RBFOX3: variants seen among roughly 807,000 people sequenced by gnomAD.
The protein encoded by RBFOX3 is RNA binding protein fox-1 homolog 3.
RBFOX3 carries 17 observed loss-of-function variants against 48.7 expected under a neutral mutation model. The observed-to-expected ratio is 0.35, with a 90% confidence interval of 0.24 to 0.52. RBFOX3 has a LOEUF of 0.52. Among genes scored for constraint, RBFOX3 ranks in the 20% least tolerant of loss-of-function variants. The pLI is 0.94. For synonymous variants in RBFOX3, 212 were observed against 209.5 expected (o/e 1.01, Z -0.10); for missense variants, 382 against 497.5 (o/e 0.77, Z 2.21).
At chr17:79,151,520 A>AGGG (rs1568234859) in intron 4 of RBFOX3, among the ~76,000 whole-genome samples, 1 of 578 alleles carries the variant, frequency 1.7e-3, no homozygotes, top group Non-Finnish European at 2.8e-3. Flanking sequence ...AGGGGAGGCG[A>AGGG]TGGGAGGGGA....
chr17:79,329,173 T>C (rs2079818261), intron 2 of RBFOX3, among the ~76,000 whole-genome samples: 1 of 152,154 alleles, frequency 6.6e-6, no homozygotes, highest in South Asian at 2.1e-4. Flanking sequence ...GAGCTTCCCA[T>C]GGTGCTCCTC....
At position 79,424,453 on chromosome 17, in the gene RBFOX3, A is replaced by T. The variant is rs575702432; in HGVS notation, c.-175+58001T>A. ...CCTAAGGTCCCTCCGCTCCCCCCGC[A>T]ACTGAGCTCTCGACTCTCAGCAGCC... On this transcript the variant is annotated intron_variant, in intron 2 of 14. Transcript: ENST00000693108. 1.6e-4 allele frequency among the ~76,000 whole-genome samples: 25 copies of T among 152,238 alleles called. No homozygotes were observed. In the East Asian group the frequency reaches 4.5e-3, roughly 27 times the overall value.
At chr17:79,462,405 T>C (rs2075489635) in intron 2 of RBFOX3, among the ~76,000 whole-genome samples, 2 of 152,214 alleles carry the variant, frequency 1.3e-5, no homozygotes, top group South Asian at 2.1e-4. Flanking sequence ...GAGCATTACA[T>C]GGATTCAATG....
At chr17:79,122,468 T>G (rs2036012999) in intron 4 of RBFOX3, among the ~76,000 whole-genome samples, 1 of 152,220 alleles carries the variant, frequency 6.6e-6, no homozygotes, top group Non-Finnish European at 1.5e-5. Flanking sequence ...TCACCATCAT[T>G]GATCATCAGA....
chr17:79,135,889 A>G (rs1885311524), intron 4 of RBFOX3: 1 of 152,180 alleles, frequency 6.6e-6, no homozygotes, highest in Admixed American at 6.5e-5. Context: ...AGCTGCTGAG[A>G]GCTGAGAGCT....
chr17:79,525,281 C>A (rs2086651129), intron 1 of RBFOX3, among the ~76,000 whole-genome samples: 1 of 152,116 alleles, frequency 6.6e-6, no homozygotes, highest in Non-Finnish European at 1.5e-5. Flanking sequence ...TGCCAAATGT[C>A]CCCCCGGGGC....
At chr17:79,226,446 C>T (rs543336144) in intron 4 of RBFOX3, among the ~76,000 whole-genome samples, 1 of 152,148 alleles carries the variant, frequency 6.6e-6, no homozygotes, top group Admixed American at 6.5e-5. Context: ...TTGGTATTCA[C>T]GGGGAGGTGG....
intron 2 of RBFOX3, among the ~76,000 whole-genome samples, chr17:79,462,830 G>A (rs2075555762): frequency 6.6e-6 from 1 of 152,184 alleles, no homozygotes; most frequent in African/African-American, 2.4e-5. Context: ...AGCTCACACA[G>A]AGCGTCTCCA....
rs553937957 is a variant in RBFOX3 at position 79,321,818 on chromosome 17, G to A, written c.-174-13994C>T. On this transcript the variant is annotated intron_variant, in intron 2 of 14. Transcript: ENST00000693108. ...CCTCCCCGGTTCAAGCAAATCTCCA[G>A]CCTCAGCCTCCCAAGTAGCTGGGAC... 2.7e-5 allele frequency among the ~76,000 whole-genome samples: 4 copies of A among 150,542 alleles called. No individual in the cohort carries two copies. The East Asian group carries it at 8.0e-4, about 30-fold the overall frequency.
intron 1 of RBFOX3, among the ~76,000 whole-genome samples, chr17:79,552,797 G>T (rs2091281261): frequency 6.6e-6 from 1 of 152,124 alleles, no homozygotes; most frequent in Non-Finnish European, 1.5e-5. Context: ...ATCATAAATA[G>T]GGGCCTTTTC....
At chr17:79,113,765 C>T (rs530226955) in intron 5 of RBFOX3, among the ~76,000 whole-genome samples, 7 of 152,320 alleles carry the variant, frequency 4.6e-5, no homozygotes, top group African/African-American at 1.2e-4. Context: ...CCTGTCCTTG[C>T]GTGGCAGGAA....
intron 2 of RBFOX3, among the ~76,000 whole-genome samples, chr17:79,316,260 G>T (rs1234584526): frequency 1.3e-5 from 2 of 152,194 alleles, no homozygotes; most frequent in East Asian, 1.9e-4. Context: ...AACTCTGCAG[G>T]ATCCTGTTTC....
intron 1 of RBFOX3, among the ~76,000 whole-genome samples, chr17:79,581,327 G>A (rs924077010): frequency 1.3e-5 from 2 of 152,178 alleles, no homozygotes; most frequent in African/African-American, 2.4e-5. Context: ...GAAGCCTCCG[G>A]GCTTTTGCAG....
rs894427931 is a variant in RBFOX3 at position 79,602,891 on chromosome 17, C to A, written c.-320+7935G>T. Among the ~76,000 whole-genome samples, 12 of 152,144 alleles carry A rather than the reference C, an allele frequency of 7.9e-5. No homozygotes were observed. In the East Asian group the frequency reaches 1.9e-3, roughly 25 times the overall value. ...TTCCTCTCCCTCATGGGAAATCCAA[C>A]TGGCATGGTCTGGAGCCTCATCTCT... On this transcript the variant is annotated intron_variant, in intron 1 of 14. Coordinates refer to ENST00000693108, the MANE Select transcript of RBFOX3 (RefSeq NM_001350451.2).
At chr17:79,350,087 C>T (rs1241763794) in intron 2 of RBFOX3, among the ~76,000 whole-genome samples, 1 of 152,218 alleles carries the variant, frequency 6.6e-6, no homozygotes, top group Non-Finnish European at 1.5e-5. Flanking sequence ...GAATCAGACA[C>T]TCAAGCCAGC....
intron 4 of RBFOX3, among the ~76,000 whole-genome samples, chr17:79,140,525 G>A (rs769525033): frequency 9.2e-5 from 14 of 152,240 alleles, no homozygotes; most frequent in Non-Finnish European, 1.8e-4. Context: ...TAAAGCTCAC[G>A]ATGGCCCAGG....
chr17:79,646,819 C>T, the RBFOX3 span, among the ~76,000 whole-genome samples: 1 of 152,210 alleles, frequency 6.6e-6, no homozygotes, highest in African/African-American at 2.4e-5. Context: ...TCCTGCCAGC[C>T]ACCCTCTGCC....
intron 1 of RBFOX3, among the ~76,000 whole-genome samples, chr17:79,485,415 G>A (rs2079428606): frequency 6.6e-6 from 1 of 152,082 alleles, no homozygotes; most frequent in African/African-American, 2.4e-5. Context: ...ACAGGGTCGG[G>A]AGATGTGATG....
intron 4 of RBFOX3, among the ~76,000 whole-genome samples, chr17:79,172,738 A>G (rs926469640): frequency 6.6e-6 from 1 of 151,910 alleles, no homozygotes; most frequent in African/African-American, 2.4e-5. Context: ...CTCAACAGAG[A>G]TATTCTGTTT....
Sources: allele counts gnomAD v4.1 joint callset (sites outside exome capture counted in the v4.1 genomes callset), GRCh38; gene constraint gnomAD v4.1.1; transcripts MANE v1.5; gene names NCBI Gene and HGNC (gene_info 2026-07-23, HGNC 2026-07-21).